Variants in GDF1 observed in about 807,000 individuals in gnomAD.
GDF1 encodes the protein embryonic growth/differentiation factor 1.
Under a neutral mutation model 7.4 loss-of-function variants are expected in GDF1, and 8 were observed. The observed-to-expected ratio is 1.09, with a 90% CI of 0.64 to 1.96. The LOEUF is 1.96. GDF1 is among the 30% of genes most tolerant of loss of function. The pLI, the probability that GDF1 is intolerant of heterozygous loss-of-function variation, is 0.00. For synonymous variants in GDF1, 311 were observed against 276.7 expected (o/e 1.12, Z -1.23); for missense variants, 574 against 551.5 (o/e 1.04, Z -0.41).
intron 3 of GDF1, 40 bp from the exon 4 acceptor site, chr19:18,880,475 T>G: frequency 6.5e-7 from 1 of 1,531,024 alleles, no homozygotes; most frequent in Non-Finnish European, 8.8e-7. Context: ...GCAGCTCACA[T>G]TGGGGGACCT....
At chr19:18,871,408 G>C (rs2055968134) in intron 6 of GDF1, among the ~76,000 whole-genome samples, 1 of 149,924 alleles carries the variant, frequency 6.7e-6, no homozygotes, top group Non-Finnish European at 1.5e-5. Context: ...TTTTAGTAGA[G>C]ACAGGGTTTC....
Position 18,885,678 on chromosome 19 carries a change from CCTGG to C in GDF1, c.-913-1415_-913-1412del, listed in dbSNP as rs536315515. ...GGGATTACAGGCACCCACCACCATG[CCTGG>C]CTAATTTTTTTTTTTTTCAGTAGAG... On this transcript the variant is annotated intron_variant, in intron 2 of 7. Coordinates refer to ENST00000247005, the MANE Select transcript of GDF1 (RefSeq NM_001492.6). 2.5e-3 allele frequency among the ~76,000 whole-genome samples: 385 copies of C among 151,556 alleles called. 1 individual carries two copies. Among genetic ancestry groups the C allele is most frequent in the African/African-American group, 8.9e-3 (366 of 41,166 alleles).
rs1416771413 is a variant in GDF1, at chr19:18,880,196, T to A, written c.-571+78A>T. On this transcript the variant is annotated intron_variant, in intron 4 of 7. Transcript: ENST00000247005. ...ACCGGGCCCCGCCTCCTTCCCTGCC[T>A]GGTCCCGCCCCTTTTCTGGACACAC... is the stretch of plus-strand genomic sequence containing the variant. 6.0e-6 allele frequency: 8 copies of A among 1,332,156 alleles called. No homozygotes were observed. In the African/African-American group the frequency reaches 1.1e-4, roughly 18 times the overall value. 82.5% of individuals were successfully genotyped at this position (1,332,156 alleles called of 1,614,324 possible).
chr19:18,884,222 T>C lies in GDF1; in HGVS notation c.-868A>G, dbSNP rs774488577. The C allele has an allele frequency of 2.5e-6, 4 of 1,613,316 alleles. No homozygotes were observed. Among genetic ancestry groups the C allele is most frequent in the African/African-American group, 1.3e-5 (1 of 74,872 alleles). ...GCCATAGAAGCTTCCCTGGAGCAGG[T>C]AGGCGGCTGCAATGTCCCGTGGCAC... On this transcript the variant is annotated 5_prime_UTR_variant, in exon 3 of 8. Coordinates refer to ENST00000247005, the MANE Select transcript of GDF1 (RefSeq NM_001492.6).
intron 6 of GDF1, among the ~76,000 whole-genome samples, chr19:18,876,719 A>C (rs1443172641): frequency 1.3e-5 from 2 of 152,310 alleles, no homozygotes; most frequent in Middle Eastern, 6.8e-3. Flanking sequence ...TTAGATTTAC[A>C]GAGATGCTAC....
intron 6 of GDF1, among the ~76,000 whole-genome samples, chr19:18,872,161 G>A (rs558797117): frequency 1.3e-5 from 2 of 152,178 alleles, no homozygotes; most frequent in Non-Finnish European, 2.9e-5. Flanking sequence ...TAGCATCCTC[G>A]GTGATGGGTG....
rs1405807202 is a variant in GDF1, at chr19:18,870,132, G to GGAACCGGCC, written c.167_175dup (p.Arg56_Val58dup). On this transcript the variant is annotated inframe_insertion, in exon 7 of 8. Transcript: ENST00000247005. This position sits in a 1 kb window ranked among gnomAD's most constrained non-coding sequence, Gnocchi z 5.1. ...TCGAAACAGGCGCCACATGACCGGG[G>GGAACCGGCC]GAACCGGCCGGAGCCTGGGGGCACC... is the stretch of plus-strand genomic sequence containing the variant. The GGAACCGGCC allele has an allele frequency of 6.4e-7, 1 of 1,565,244 alleles. No homozygotes were observed. Among genetic ancestry groups the GGAACCGGCC allele is most frequent in the Non-Finnish European group, 8.6e-7 (1 of 1,161,056 alleles).
chr19:18,890,740 C>T (rs1422895817), intron 2 of GDF1, among the ~76,000 whole-genome samples: 1 of 149,290 alleles, frequency 6.7e-6, no homozygotes, highest in Non-Finnish European at 1.5e-5. Context: ...GTGATCGTGC[C>T]ACTGTACTCC....
At chr19:18,877,227 G>GATGAGATGA (rs2056074872) in intron 6 of GDF1, among the ~76,000 whole-genome samples, 1 of 152,232 alleles carries the variant, frequency 6.6e-6, no homozygotes, top group Non-Finnish European at 1.5e-5. Context: ...CTCTTACCCT[G>GATGAGATGA]TGTTCTGATG....
In GDF1 at chr19:18,888,519, TAAAAA is replaced by T. The variant is rs781426705; in HGVS notation, c.-913-4257_-913-4253del. On this transcript the variant is annotated intron_variant, in intron 2 of 7. Transcript: ENST00000247005. ...GGCGACAGAGTGAGACCCTGTCTCT[TAAAAA>T]AAAAAAAAAAAAAAAAAAAAAACAG... Among the ~76,000 whole-genome samples, 7 of 59,050 alleles carry T rather than the reference TAAAAA, an allele frequency of 1.2e-4. 1 individual carries two copies. In the East Asian group the frequency reaches 3.0e-3, roughly 25 times the overall value. The allele number at this position is 59,050 out of a possible 152,430, so 38.7% of individuals were successfully genotyped here.
chr19:18,868,918 A>C lies in GDF1; in HGVS notation c.798T>G (p.Ala266=). The C allele has an allele frequency of 1.5e-6, 2 of 1,364,292 alleles. No individual in the cohort carries two copies. Among genetic ancestry groups the C allele is most frequent in the East Asian group, 4.1e-5 (1 of 24,358 alleles). The allele number at this position is 1,364,292 out of a possible 1,614,324, so 84.5% of individuals were successfully genotyped here. A position where few individuals can be genotyped will look rare whatever the true frequency, so the allele number is the denominator to read the frequency against. ...TCACGTACAGCCGCCGCGCGCGACA[A>C]GCGCCCCCGGGGCCGCCGCCCAACA... ...EPVLGGGPGG[A]CRARRLYVSF... The change falls in exon 8 of 8, where the codon GCT becomes GCG. Residue 266 remains alanine, a synonymous_variant. Coordinates refer to ENST00000247005, the MANE Select transcript of GDF1 (RefSeq NM_001492.6).
rs942962569 is a variant in GDF1 at position 18,878,824 on chromosome 19, C to T, written c.-313+106G>A. 3.9e-5 allele frequency: 58 copies of T among 1,504,760 alleles called. No homozygotes were observed. Among genetic ancestry groups the T allele is most frequent in the African/African-American group, 2.8e-4 (20 of 72,278 alleles). 93.2% of individuals were successfully genotyped at this position (1,504,760 alleles called of 1,614,324 possible). A position where few individuals can be genotyped will look rare whatever the true frequency, so the allele number is the denominator to read the frequency against. ...TGGAGTAGGCTTGGGGGGCAGCATC[C>T]GCGTCGGCCTCATCTGCTGCTGGGT... On this transcript the variant is annotated intron_variant, in intron 6 of 7. Transcript: ENST00000247005. The surrounding 1 kb of genome is among the most constrained non-coding windows in gnomAD (Gnocchi z 4.6).
At chr19:18,893,020 G>A (rs577476444) in intron 2 of GDF1, among the ~76,000 whole-genome samples, 9 of 151,928 alleles carry the variant, frequency 5.9e-5, no homozygotes, top group African/African-American at 2.2e-4. Context: ...AGGTTCAAGC[G>A]ATTCTCCTGC....
intron 6 of GDF1, among the ~76,000 whole-genome samples, chr19:18,877,365 T>C (rs2056076988): frequency 6.6e-6 from 1 of 152,172 alleles, no homozygotes; most frequent in Non-Finnish European, 1.5e-5. Flanking sequence ...AAGAGGACCT[T>C]CCTGGTGTCT....
chr19:18,869,548 G>C (rs944947673), intron 7 of GDF1, among the ~76,000 whole-genome samples, 158 bp from the exon 8 acceptor site: 2 of 151,044 alleles, frequency 1.3e-5, no homozygotes, highest in Non-Finnish European at 1.5e-5. Flanking sequence ...AGTGGGGGCA[G>C]GGCATGAGTT....
intron 4 of GDF1, 78 bp from the exon 5 acceptor site, chr19:18,879,466 AC>A (rs1601163066): frequency 6.7e-7 from 1 of 1,496,526 alleles, no homozygotes; most frequent in Non-Finnish European, 9.0e-7. Context: ...CCCGTCCTAG[AC>A]CCACCCTTGC....
At position 18,895,966 on chromosome 19, in the gene GDF1, C is replaced by G. The variant is rs1214003211; in HGVS notation, c.-1216G>C. 1 of 1,068,278 alleles carries G rather than the reference C, an allele frequency of 9.4e-7. No individual in the cohort carries two copies. Among genetic ancestry groups the G allele is most frequent in the Non-Finnish European group, 1.1e-6 (1 of 883,222 alleles). The allele number at this position is 1,068,278 out of a possible 1,614,324, so 66.2% of individuals were successfully genotyped here. On this transcript the variant is annotated 5_prime_UTR_variant, in exon 1 of 8. Coordinates refer to ENST00000247005, the MANE Select transcript of GDF1 (RefSeq NM_001492.6). The surrounding 1 kb of genome is among the most constrained non-coding windows in gnomAD (Gnocchi z 6.4). ...CAGCCCCCAGCCGCAGTCCGTGCAGCCCCGCGCCGCCGCCAGCGCGCTGCC... is the reference window on the plus strand; with the variant it reads ...CAGCCCCCAGCCGCAGTCCGTGCAGGCCCGCGCCGCCGCCAGCGCGCTGCC...
Position 18,869,108 on chromosome 19 carries a change from C to T in GDF1, c.608G>A (p.Trp203Ter), listed in dbSNP as rs1359321518. Residue 203 changes from tryptophan to a stop codon, truncating the protein, a stop_gained, in exon 8 of 8, where the codon TGG becomes TAG. Transcript: ENST00000247005. LOFTEE classifies it low-confidence loss of function (END_TRUNC). Reference protein sequence around the residue: ...PVRAELLGAAWARNASWPRSL... With the variant: ...PVRAELLGAA ...GCGCGGCCATGAGGCGTTGCGAGCCCAAGCGGCGCCCAGCAGCTCCGCGCG... is the reference window on the plus strand; with the variant it reads ...GCGCGGCCATGAGGCGTTGCGAGCCTAAGCGGCGCCCAGCAGCTCCGCGCG... The T allele has an allele frequency of 1.7e-5, 18 of 1,083,168 alleles. No individual in the cohort carries two copies. Among genetic ancestry groups the T allele is most frequent in the Middle Eastern group, 4.2e-4 (1 of 2,400 alleles). 67.1% of individuals were successfully genotyped at this position (1,083,168 alleles called of 1,614,324 possible). A position where few individuals can be genotyped will look rare whatever the true frequency, so the allele number is the denominator to read the frequency against.
At position 18,869,360 on chromosome 19, in the gene GDF1, G is replaced by A. The variant is rs1402976664; in HGVS notation, c.356C>T (p.Ser119Leu). ...CCACTCAGGGCAATGCCCCGCGGCC[G>A]AGGCAGGCTCCGAGGCCCGGGTGGG... is the stretch of plus-strand genomic sequence containing the variant. ...GAPTRASEPASAAGHCPEWTV... is the reference protein window; with the variant it reads ...GAPTRASEPALAAGHCPEWTV... The change falls in exon 8 of 8, where the codon TCG becomes TTG. Residue 119 changes from serine (S) to leucine (L), a missense_variant. Ser to Leu is a moderately radical substitution (Grantham distance 145). Transcript: ENST00000247005. The A allele has an allele frequency of 3.3e-6, 5 of 1,532,004 alleles. No homozygotes were observed. The Admixed American group carries it at 5.9e-5, about 18-fold the overall frequency. The allele number at this position is 1,532,004 out of a possible 1,614,324, so 94.9% of individuals were successfully genotyped here.
Sources: gnomAD v4.1 joint callset for allele counts (sites outside exome capture counted in the v4.1 genomes callset) on GRCh38, gnomAD v4.1.1 for gene constraint, Gnocchi (gnomAD v3.1) non-coding constraint, MANE v1.5 for transcripts, NCBI Gene and HGNC (gene_info 2026-07-23, HGNC 2026-07-21) for gene names.